LAMP3: variants seen among roughly 807,000 people sequenced by gnomAD.
LAMP3 encodes the protein lysosome-associated membrane glycoprotein 3.
LAMP3 carries 26 observed loss-of-function variants against 34.8 expected under a neutral mutation model. That is an observed-to-expected ratio of 0.75 (90% CI 0.55 to 1.04). LAMP3 has a LOEUF of 1.04. LAMP3 is among the 50% of genes least tolerant of loss of function. The pLI, the probability that LAMP3 is intolerant of heterozygous loss-of-function variation, is 0.00. For missense variants in LAMP3, 495 were observed against 524.0 expected, an observed-to-expected ratio of 0.94 and a Z score of 0.54; for synonymous variants, 180 against 201.9, an observed-to-expected ratio of 0.89 and a Z score of 0.92.
Position 183,159,073 on chromosome 3 carries a change from A to AT in LAMP3, c.49+3533dup, listed in dbSNP as rs200849796. Among the ~76,000 whole-genome samples, 1,482 of 151,980 alleles carry AT rather than the reference A, an allele frequency of 9.8e-3. 28 individuals carry two copies. The highest frequency in any genetic ancestry group is 0.032 in the African/African-American group (1,335 of 41,448). ...GCCACCATGTCAAGCTAATTTTTGC[A>AT]TTTTTTGTACAGTCTCACCATGTTG... is the stretch of plus-strand genomic sequence containing the variant. On this transcript the variant is annotated intron_variant, in intron 1 of 5. Transcript: ENST00000265598.
intron 1 of LAMP3, among the ~76,000 whole-genome samples, chr3:183,155,445 T>C (rs1178972573): frequency 6.6e-6 from 1 of 152,246 alleles, no homozygotes; most frequent in Non-Finnish European, 1.5e-5. Flanking sequence ...ATAACTGCTC[T>C]GATATTTCAG....
chr3:183,140,577 TATA>T lies in LAMP3; in HGVS notation c.904_906del (p.Tyr302del). ...GTCAAATAGGCTCCCACTTCACTGA[TATA>T]ATATGATTCTTCATCCTGTAAAACA... On this transcript the variant is annotated inframe_deletion, in exon 4 of 6. Coordinates refer to ENST00000265598, the MANE Select transcript of LAMP3 (RefSeq NM_014398.4). 1 of 1,601,866 alleles carries T rather than the reference TATA, an allele frequency of 6.2e-7. No individual in the cohort carries two copies. The highest frequency in any genetic ancestry group is 8.6e-7 in the Non-Finnish European group (1 of 1,169,302).
intron 1 of LAMP3, among the ~76,000 whole-genome samples, chr3:183,157,412 T>C (rs1207700634): frequency 6.6e-6 from 1 of 152,048 alleles, no homozygotes; most frequent in Non-Finnish European, 1.5e-5. Flanking sequence ...ATAATGGAGG[T>C]TGAGTGTTGT....
intron 4 of LAMP3, among the ~76,000 whole-genome samples, chr3:183,138,760 A>G (rs1720178295): frequency 6.6e-6 from 1 of 152,062 alleles, no homozygotes; most frequent in Non-Finnish European, 1.5e-5. Context: ...ATAAAGTCCA[A>G]AGTCCTGACC....
intron 3 of LAMP3, among the ~76,000 whole-genome samples, chr3:183,145,758 G>A (rs1236732030): frequency 6.6e-6 from 1 of 152,188 alleles, no homozygotes; most frequent in African/African-American, 2.4e-5. Context: ...TCGAGAGGCT[G>A]AGGCAGGAGA....
At chr3:183,163,408 A>G (rs924190464), upstream of LAMP3, among the ~76,000 whole-genome samples, 6 of 151,448 alleles carry the variant, frequency 4.0e-5, no homozygotes, top group Non-Finnish European at 7.4e-5. Context: ...CTCCTGCCGC[A>G]GCCTCCCGAG....
intron 3 of LAMP3, 127 bp from the exon 4 acceptor site, chr3:183,140,722 C>G (rs757858708): frequency 9.6e-6 from 6 of 624,992 alleles, no homozygotes; most frequent in Non-Finnish European, 1.7e-5. Flanking sequence ...TTACTTGGTA[C>G]TGGGTCATAA....
At chr3:183,162,841 A>T (rs602762), upstream of LAMP3, 73 of 549,744 alleles carry the variant, frequency 1.3e-4, no homozygotes, top group East Asian at 2.5e-3. Flanking sequence ...CCTACGGAGC[A>T]GGGAGGGGCG....
chr3:183,131,425 G>A lies in LAMP3; in HGVS notation c.1117+4292C>T, dbSNP rs7619071. On this transcript the variant is annotated intron_variant, in intron 5 of 5. Coordinates refer to ENST00000265598, the MANE Select transcript of LAMP3 (RefSeq NM_014398.4). ...GAGCAGGTGCCAGTTTGAAGGAGGAGGTGGAAGGAGATCACAGCTCTCCAA... is the reference window on the plus strand; with the variant it reads ...GAGCAGGTGCCAGTTTGAAGGAGGAAGTGGAAGGAGATCACAGCTCTCCAA... Among the ~76,000 whole-genome samples the A allele has an allele frequency of 9.9e-3, 1,502 of 152,288 alleles. 20 individuals carry two copies. Among genetic ancestry groups the A allele is most frequent in the African/African-American group, 0.034 (1,405 of 41,538 alleles).
chr3:183,154,923 TTTC>T (rs1181855237), intron 1 of LAMP3, among the ~76,000 whole-genome samples: 2 of 130,696 alleles, frequency 1.5e-5, no homozygotes, highest in African/African-American at 5.3e-5. Context: ...CAATCTTTTT[TTTC>T]TTTTTTGAGA....
rs112668678 is a variant in LAMP3, at chr3:183,152,612, G to A, written c.760-109C>T. On this transcript the variant is annotated intron_variant, in intron 2 of 5. Transcript: ENST00000265598. ...GCCTGAAACTTAAGGCTGAGGATTCGCTGGAGAACTGCAAAGTCCCCAGAC... is the reference window on the plus strand; with the variant it reads ...GCCTGAAACTTAAGGCTGAGGATTCACTGGAGAACTGCAAAGTCCCCAGAC... 7.4e-4 allele frequency: 730 copies of A among 981,656 alleles called. 4 individuals carry two copies. The African/African-American group carries it at 9.6e-3, about 13-fold the overall frequency. The allele number at this position is 981,656 out of a possible 1,614,324, so 60.8% of individuals were successfully genotyped here.
At chr3:183,156,889 A>AGGGGTGGTGGAGGT (rs1720837305) in intron 1 of LAMP3, among the ~76,000 whole-genome samples, 1 of 152,086 alleles carries the variant, frequency 6.6e-6, no homozygotes, top group Admixed American at 6.5e-5. Flanking sequence ...CTTGGGTTTG[A>AGGGGTGGTGGAGGT]GGGGTGGTGG....
At chr3:183,147,069 C>T (rs2108606845) in intron 3 of LAMP3, among the ~76,000 whole-genome samples, 1 of 151,904 alleles carries the variant, frequency 6.6e-6, no homozygotes, top group African/African-American at 2.4e-5. Context: ...TGGTGAAACC[C>T]CATCTCTACT....
intron 5 of LAMP3, among the ~76,000 whole-genome samples, chr3:183,128,360 T>C (rs1719833804): frequency 6.6e-6 from 1 of 152,190 alleles, no homozygotes; most frequent in Non-Finnish European, 1.5e-5. Flanking sequence ...GAATATACTA[T>C]TATGCACTAT....
At chr3:183,153,238 C>T (rs570865957) in intron 2 of LAMP3, among the ~76,000 whole-genome samples, 34 of 150,240 alleles carry the variant, frequency 2.3e-4, no homozygotes, top group African/African-American at 7.3e-4. Context: ...ATCAAATAAT[C>T]GCAATCCCTC....
At chr3:183,158,681 G>C (rs1398043101) in intron 1 of LAMP3, among the ~76,000 whole-genome samples, 1 of 152,078 alleles carries the variant, frequency 6.6e-6, no homozygotes, top group African/African-American at 2.4e-5. Context: ...TCTCACAAGG[G>C]ATTGTTTCTA....
At chr3:183,132,613 A>C (rs1719959368) in intron 5 of LAMP3, 1 of 985,294 alleles carries the variant, frequency 1.0e-6, no homozygotes, top group South Asian at 4.7e-5. Flanking sequence ...CACACCTGGC[A>C]TGGCCTCCCC....
chr3:183,146,308 T>C (rs1720436898), intron 3 of LAMP3, among the ~76,000 whole-genome samples: 1 of 152,196 alleles, frequency 6.6e-6, no homozygotes, highest in Non-Finnish European at 1.5e-5. Flanking sequence ...GTTAATACTG[T>C]TGCTGTTGAG....
Position 183,152,396 on chromosome 3 carries a change from A to G in LAMP3, c.867T>C (p.Phe289=). The G allele has an allele frequency of 6.2e-7, 1 of 1,611,936 alleles. No homozygotes were observed. The highest frequency in any genetic ancestry group is 8.5e-7 in the Non-Finnish European group (1 of 1,179,164). Residue 289 remains phenylalanine, a synonymous_variant, in exon 3 of 6, where the codon TTT becomes TTC. Coordinates refer to ENST00000265598, the MANE Select transcript of LAMP3 (RefSeq NM_014398.4). The part of the protein sequence containing the change: ...SNLLLNFQGG[F]VNLTFTKDEE... ...TCACCTTGGTAAATGTGAGATTCAC[A>G]AATCCGCCCTGAAAATTCAACAGAA...
Sources: allele counts gnomAD v4.1 joint callset (sites outside exome capture counted in the v4.1 genomes callset), GRCh38; gene constraint gnomAD v4.1.1; transcripts MANE v1.5; gene names NCBI Gene and HGNC (gene_info 2026-07-23, HGNC 2026-07-21).